Variants in DNAH14 observed in about 807,000 individuals in gnomAD.
DNAH14 encodes dynein axonemal heavy chain 14, also known as axonemal beta dynein heavy chain 14.
A neutral mutation model predicts 520.9 loss-of-function variants in DNAH14; 478 were observed. That is an observed-to-expected ratio of 0.92 (90% CI 0.85 to 0.99). The LOEUF is 0.99. Among genes scored for constraint, DNAH14 ranks in the 50% least tolerant of loss-of-function variants. The pLI is 0.00. For missense variants in DNAH14, 4,831 were observed against 5,234.5 expected (o/e 0.92, Z 2.38); for synonymous variants, 1,581 against 1,757.2 (o/e 0.90, Z 2.51).
chr1:225,002,723 TA>T, intron 8 of DNAH14, 59 bp from the exon 9 acceptor site: 1 of 1,460,438 alleles, frequency 6.8e-7, no homozygotes. Context: ...TACTTACCTC[TA>T]AATTAATTTT....
chr1:225,138,561 A>G (rs1048703539), intron 27 of DNAH14, among the ~76,000 whole-genome samples: 4 of 152,166 alleles, frequency 2.6e-5, no homozygotes, highest in African/African-American at 9.7e-5. Flanking sequence ...CTCCTGGGTC[A>G]CTGTGTGCAC....
intron 8 of DNAH14, among the ~76,000 whole-genome samples, chr1:224,977,528 AAATC>A (rs1345010245): frequency 9.9e-5 from 15 of 152,200 alleles, no homozygotes. Context: ...AAATAACAAT[AAATC>A]AAGAGGAGGG....
chr1:225,127,131 T>C (rs2077809347), intron 27 of DNAH14, among the ~76,000 whole-genome samples: 1 of 152,218 alleles, frequency 6.6e-6, no homozygotes, highest in East Asian at 1.9e-4. Flanking sequence ...CTTCCAACTA[T>C]GTGGTCAATT....
chr1:225,332,198 T>C (rs1471207891), intron 65 of DNAH14, among the ~76,000 whole-genome samples: 3 of 152,184 alleles, frequency 2.0e-5, no homozygotes, highest in African/African-American at 4.8e-5. Context: ...TCTCAAGGGA[T>C]GTTATAAAAT....
intron 64 of DNAH14, among the ~76,000 whole-genome samples, chr1:225,327,592 T>C (rs937370817): frequency 1.3e-5 from 2 of 152,132 alleles, no homozygotes; most frequent in Non-Finnish European, 2.9e-5. Flanking sequence ...CAGAGAAATT[T>C]ATAGTTGTAA....
chr1:225,202,786 G>A (rs1013454703), intron 38 of DNAH14, among the ~76,000 whole-genome samples: 6 of 152,172 alleles, frequency 3.9e-5, no homozygotes, highest in Non-Finnish European at 7.3e-5. Context: ...CAATGCCTCT[G>A]TCAGCCCCCA....
At chr1:225,162,905 G>A (rs1015177617) in intron 35 of DNAH14, among the ~76,000 whole-genome samples, 1 of 152,072 alleles carries the variant, frequency 6.6e-6, no homozygotes, top group African/African-American at 2.4e-5. Flanking sequence ...GGGAGGCCAA[G>A]CCAAATGGAT....
chr1:225,169,385 T>A (rs923769608), intron 36 of DNAH14, among the ~76,000 whole-genome samples: 4 of 152,048 alleles, frequency 2.6e-5, no homozygotes, highest in Admixed American at 6.5e-5. Flanking sequence ...GGCAAAGAAG[T>A]TAAAACCCTT....
rs74517776 is a variant in DNAH14 at position 225,380,168 on chromosome 1, G to C, written c.12726G>C (p.Gln4242His). Residue 4242 changes from glutamine to histidine, a missense_variant, in exon 80 of 86, where the codon CAG (glutamine) becomes CAC (histidine). By Grantham distance (24) the Gln-to-His change is conservative (BLOSUM62 0). Transcript: ENST00000682510. ...TTGGTTTTTTTTGCAGACCTGAGCA[G>C]AGTAAGGATGAACTGGTGATGGAAA... The part of the protein sequence containing the change: ...TTANLMIRPE[Q>H]SKDELVMEIL... The C allele has an allele frequency of 1.3e-6, 2 of 1,551,422 alleles. No individual in the cohort carries two copies. The highest frequency in any genetic ancestry group is 1.7e-6 in the Non-Finnish European group (2 of 1,146,846).
intron 20 of DNAH14, among the ~76,000 whole-genome samples, chr1:225,083,944 G>A (rs2073434959): frequency 6.6e-6 from 1 of 152,128 alleles, no homozygotes; most frequent in African/African-American, 2.4e-5. Context: ...GAATTTTGCA[G>A]ACTAAATGTA....
At chr1:225,022,878 G>A (rs1248454392) in intron 10 of DNAH14, among the ~76,000 whole-genome samples, 5 of 152,168 alleles carry the variant, frequency 3.3e-5, no homozygotes, top group African/African-American at 2.4e-5. Flanking sequence ...TAAAGAAAAT[G>A]TGGTACATAT....
Position 225,038,598 on chromosome 1 carries a change from T to C in DNAH14, c.1359-96T>C, listed in dbSNP as rs924721397. The C allele has an allele frequency of 8.3e-5, 105 of 1,258,166 alleles. No individual in the cohort carries two copies. The African/African-American group carries it at 1.4e-3, about 17-fold the overall frequency. The allele number at this position is 1,258,166 out of a possible 1,614,324, so 77.9% of individuals were successfully genotyped here. ...GTCAGGTCCTTTGCCTGTTTTTTAA[T>C]TGGGTTGCTTTTTGTTGTTGAGTTG... On this transcript the variant is annotated intron_variant, in intron 11 of 85. Coordinates refer to ENST00000682510, the MANE Select transcript of DNAH14 (RefSeq NM_001367479.1).
intron 8 of DNAH14, among the ~76,000 whole-genome samples, chr1:224,996,684 C>A (rs1001516714): frequency 1.3e-5 from 2 of 152,084 alleles, no homozygotes; most frequent in Non-Finnish European, 2.9e-5. Flanking sequence ...GTGGACACTG[C>A]AATTGTCTTT....
chr1:225,263,149 A>G (rs2092994103), intron 46 of DNAH14, among the ~76,000 whole-genome samples: 1 of 151,658 alleles, frequency 6.6e-6, no homozygotes, highest in Non-Finnish European at 1.5e-5. Context: ...CACATATCAG[A>G]CTTTTCCTCT....
intron 54 of DNAH14, among the ~76,000 whole-genome samples, chr1:225,280,372 G>A (rs1441043637): frequency 2.0e-5 from 3 of 152,120 alleles, no homozygotes; most frequent in East Asian, 1.9e-4. Flanking sequence ...GGCCAAGGCA[G>A]GTGGATCATG....
At chr1:224,949,178 T>C (rs1050452613) in intron 1 of DNAH14, among the ~76,000 whole-genome samples, 3 of 152,190 alleles carry the variant, frequency 2.0e-5, no homozygotes, top group African/African-American at 7.2e-5. Context: ...AAATATTGTA[T>C]CATTTTCTTG....
chr1:225,266,846 G>T lies in DNAH14; in HGVS notation c.7539+77G>T. ...AATTAAATGTTTATAACAATGTTGA[G>T]TGAATTGCTTGAGAAAGTTAGAAAT... is the stretch of plus-strand genomic sequence containing the variant. On this transcript the variant is annotated intron_variant, in intron 49 of 85. Coordinates refer to ENST00000682510, the MANE Select transcript of DNAH14 (RefSeq NM_001367479.1). 2.2e-6 allele frequency: 3 copies of T among 1,345,096 alleles called. No homozygotes were observed. In the South Asian group the frequency reaches 4.9e-5, roughly 22 times the overall value. 83.3% of individuals were successfully genotyped at this position (1,345,096 alleles called of 1,614,324 possible).
At chr1:225,133,973 A>G (rs1036317866) in intron 27 of DNAH14, among the ~76,000 whole-genome samples, 1 of 151,914 alleles carries the variant, frequency 6.6e-6, no homozygotes, top group Non-Finnish European at 1.5e-5. Flanking sequence ...TAGGTATTTT[A>G]TTCTTTTTGT....
At chr1:225,208,011 G>A (rs1362297820) in intron 41 of DNAH14, among the ~76,000 whole-genome samples, 1 of 152,108 alleles carries the variant, frequency 6.6e-6, no homozygotes, top group Non-Finnish European at 1.5e-5. Context: ...CTATTGGCAG[G>A]GAAGCCTAAC....
Sources: allele counts gnomAD v4.1 joint callset (sites outside exome capture counted in the v4.1 genomes callset), GRCh38; gene constraint gnomAD v4.1.1; transcripts MANE v1.5; gene names NCBI Gene and HGNC (gene_info 2026-07-23, HGNC 2026-07-21).